The following IL16 variants were observed in gnomAD, a reference collection of about 807,000 sequenced individuals.
The protein encoded by IL16 is interleukin 16.
Under a neutral mutation model 110.1 loss-of-function variants are expected in IL16, and 67 were observed. The ratio of observed to expected loss-of-function variants is 0.61; its 90% CI spans 0.50 to 0.75. IL16 has a LOEUF of 0.75. IL16 is among the 30% of genes least tolerant of loss of function. The pLI is 0.00. For synonymous variants in IL16, 689 were observed against 662.9 expected (o/e 1.04, Z -0.61); for missense variants, 1,545 against 1,655.0 (o/e 0.93, Z 1.15).
chr15:81,303,815 C>T lies in IL16; in HGVS notation c.3420+165C>T, dbSNP rs1421903625. Among the ~76,000 whole-genome samples the T allele has an allele frequency of 2.6e-5, 4 of 152,212 alleles. No homozygotes were observed. Among genetic ancestry groups the T allele is most frequent in the Non-Finnish European group, 5.9e-5 (4 of 68,030 alleles). ...CAGCACATCCCAGAGCCTGGGGCTGCGTGGAGAGGGTAGCAGGCCTGGCCA... is the reference window on the plus strand; with the variant it reads ...CAGCACATCCCAGAGCCTGGGGCTGTGTGGAGAGGGTAGCAGGCCTGGCCA... On this transcript the variant is annotated intron_variant, in intron 16 of 18. Coordinates refer to ENST00000683961, the MANE Select transcript of IL16 (RefSeq NM_172217.5). This position sits in a 1 kb window ranked among gnomAD's most constrained non-coding sequence, Gnocchi z 4.1.
chr15:81,198,535 T>C (rs917196727), intron 1 of IL16, among the ~76,000 whole-genome samples: 3 of 152,208 alleles, frequency 2.0e-5, no homozygotes, highest in African/African-American at 7.2e-5. Context: ...TCTAATTGTT[T>C]GTATTCATGG....
Position 81,292,865 on chromosome 15 carries a change from C to T in IL16, c.1730C>T (p.Pro577Leu), listed in dbSNP as rs1390631686. Residue 577 changes from proline to leucine, a missense_variant, in exon 12 of 19, where the codon CCG becomes CTG. By Grantham distance (98) the Pro-to-Leu change is moderately conservative (BLOSUM62 -3). Transcript: ENST00000683961. Reference protein sequence around the residue: ...PPLPESRDSHPPLRLKKSFEI... With the variant: ...PPLPESRDSHLPLRLKKSFEI... ...CTCCCAGAGAGCCGGGACAGCCACC[C>T]GCCGCTGAGACTGAAGAAATCCTTT... The T allele has an allele frequency of 2.2e-5, 35 of 1,614,116 alleles. No homozygotes were observed. The highest frequency in any genetic ancestry group is 3.3e-5 in the Admixed American group (2 of 60,016).
rs1567016849 is a variant in IL16 at position 81,247,070 on chromosome 15, C to CTCT, written c.313-12701_313-12700insCTT. Among the ~76,000 whole-genome samples, 19 of 107,604 alleles carry CTCT rather than the reference C, an allele frequency of 1.8e-4. 1 individual carries two copies. The highest frequency in any genetic ancestry group is 6.6e-4 in the African/African-American group (19 of 28,616). 70.6% of individuals were successfully genotyped at this position (107,604 alleles called of 152,430 possible). ...ATTTTATTTGTGTTTTCTTTCTTTTCTTTTCCTTTTTTTTTTTTTTTTTTT... is the reference window on the plus strand; with the variant it reads ...ATTTTATTTGTGTTTTCTTTCTTTTCTCTTTTTCCTTTTTTTTTTTTTTTTTTT... On this transcript the variant is annotated intron_variant, in intron 2 of 18. Coordinates refer to ENST00000683961, the MANE Select transcript of IL16 (RefSeq NM_172217.5).
intron 6 of IL16, among the ~76,000 whole-genome samples, chr15:81,276,806 T>C (rs1185581609): frequency 6.6e-6 from 1 of 152,064 alleles, no homozygotes; most frequent in Non-Finnish European, 1.5e-5. Context: ...GGGAATCCCA[T>C]AGAAAAACAG....
At chr15:81,190,013 A>G (rs1395884566) in intron 1 of IL16, among the ~76,000 whole-genome samples, 2 of 151,544 alleles carry the variant, frequency 1.3e-5, no homozygotes, top group African/African-American at 4.9e-5. Context: ...TCCACCTCGA[A>G]CTCCACCCTT....
At chr15:81,199,030 A>T (rs56289376) in intron 1 of IL16, among the ~76,000 whole-genome samples, 2,651 of 103,646 alleles carry the variant, frequency 0.026, 33 homozygotes, top group South Asian at 0.034. Context: ...AAAAAAAAAA[A>T]ATATATATAT....
intron 10 of IL16, chr15:81,290,061 G>C (rs192612418): frequency 2.9e-6 from 1 of 348,782 alleles, no homozygotes; most frequent in East Asian, 7.3e-5. Flanking sequence ...TCACAGCTCA[G>C]ACAGTATAAT....
rs997267357 is a variant in IL16, at chr15:81,305,674, T to A, written c.3421-234T>A. On this transcript the variant is annotated intron_variant, in intron 16 of 18. Coordinates refer to ENST00000683961, the MANE Select transcript of IL16 (RefSeq NM_172217.5). ...GGTGGTACACTATAGGACGTTGTGT[T>A]GGGATGGATTCTGAGGGCTTACCTG... 1.6e-5 allele frequency: 9 copies of A among 566,974 alleles called. No homozygotes were observed. The African/African-American group carries it at 1.7e-4, about 11-fold the overall frequency. The allele number at this position is 566,974 out of a possible 1,614,324, so 35.1% of individuals were successfully genotyped here. A position where few individuals can be genotyped will look rare whatever the true frequency, so the allele number is the denominator to read the frequency against.
chr15:81,229,707 C>G (rs1896907037), intron 2 of IL16, among the ~76,000 whole-genome samples: 1 of 152,122 alleles, frequency 6.6e-6, no homozygotes, highest in Non-Finnish European at 1.5e-5. Context: ...TACTCAATAG[C>G]CCACACCCAC....
At chr15:81,250,261 C>T (rs985201470) in intron 2 of IL16, among the ~76,000 whole-genome samples, 1 of 152,170 alleles carries the variant, frequency 6.6e-6, no homozygotes, top group Non-Finnish European at 1.5e-5. Flanking sequence ...CCTCTGCCTC[C>T]TGAGTTCAAG....
intron 7 of IL16, among the ~76,000 whole-genome samples, chr15:81,279,321 A>G (rs1281238031): frequency 1.2e-4 from 19 of 152,052 alleles, no homozygotes. Context: ...TCATCCATCT[A>G]TCTATCCTTC....
chr15:81,205,093 G>T (rs1002324833), intron 1 of IL16, among the ~76,000 whole-genome samples: 5 of 152,100 alleles, frequency 3.3e-5, no homozygotes, highest in African/African-American at 1.2e-4. Context: ...GATCATTTGA[G>T]GCCAGGAGTT....
chr15:81,287,953 C>A (rs148668802), intron 10 of IL16, among the ~76,000 whole-genome samples: 1 of 152,208 alleles, frequency 6.6e-6, no homozygotes. Flanking sequence ...TTTAGGACTA[C>A]GGCAGAAAAT....
intron 2 of IL16, among the ~76,000 whole-genome samples, chr15:81,232,039 C>CTTTTTTTTTTTTTTT (rs1555415624): frequency 2.1e-5 from 1 of 46,902 alleles, no homozygotes; most frequent in Non-Finnish European, 5.4e-5. Flanking sequence ...CACATTTGTT[C>CTTTTTTTTTTTTTTT]TTGTTTTTTT....
chr15:81,214,385 A>G (rs941193422), intron 1 of IL16, among the ~76,000 whole-genome samples: 2 of 152,170 alleles, frequency 1.3e-5, no homozygotes, highest in African/African-American at 2.4e-5. Context: ...TATGAAGTTT[A>G]GTTTGGCAGG....
intron 18 of IL16, 150 bp downstream of exon 18, chr15:81,306,695 C>A (rs772136884): frequency 3.1e-6 from 3 of 956,536 alleles, no homozygotes; most frequent in Non-Finnish European, 5.0e-6. Flanking sequence ...GGGCTCAATT[C>A]TGCTTTTTCT....
intron 16 of IL16, among the ~76,000 whole-genome samples, chr15:81,305,424 G>A (rs974681378): frequency 7.2e-5 from 11 of 152,110 alleles, no homozygotes; most frequent in African/African-American, 1.9e-4. Flanking sequence ...AACACTGTGC[G>A]GGGCCAAGGT....
At chr15:81,224,039 CATT>C (rs1228898247) in intron 1 of IL16, among the ~76,000 whole-genome samples, 1 of 152,210 alleles carries the variant, frequency 6.6e-6, no homozygotes, top group Non-Finnish European at 1.5e-5. Context: ...TTCAATCAAT[CATT>C]AATTCATTTT....
intron 10 of IL16, chr15:81,289,833 G>A: frequency 2.5e-6 from 1 of 406,778 alleles, no homozygotes; most frequent in Non-Finnish European, 4.8e-6. Flanking sequence ...TACTTTTGAT[G>A]TCAAATAATT....
Sources: allele counts gnomAD v4.1 joint callset (sites outside exome capture counted in the v4.1 genomes callset), GRCh38; gene constraint gnomAD v4.1.1; non-coding constraint Gnocchi (gnomAD v3.1); transcripts MANE v1.5; gene names NCBI Gene and HGNC (gene_info 2026-07-23, HGNC 2026-07-21).